The following CDH11 variants were observed in gnomAD, a reference collection of about 807,000 sequenced individuals.
CDH11 encodes the protein cadherin 11.
In CDH11, 11 loss-of-function variants were observed where a neutral mutation model predicts 67.8. The ratio of observed to expected loss-of-function variants is 0.16; its 90% CI spans 0.10 to 0.27. The LOEUF is 0.27. Among genes scored for constraint, CDH11 ranks in the 10% least tolerant of loss-of-function variants. The pLI, the probability that CDH11 is intolerant of heterozygous loss-of-function variation, is 1.00. For missense variants in CDH11, 847 were observed against 1,031.2 expected (o/e 0.82, Z 2.45); for synonymous variants, 419 against 400.0 (o/e 1.05, Z -0.57).
intron 11 of CDH11, among the ~76,000 whole-genome samples, chr16:64,958,656 G>A (rs2071587063): frequency 6.6e-6 from 1 of 152,090 alleles, no homozygotes; most frequent in South Asian, 2.1e-4. Flanking sequence ...AATTTTATAA[G>A]CACATAACTG....
intron 2 of CDH11, among the ~76,000 whole-genome samples, chr16:65,015,215 G>C (rs76032247): frequency 0.012 from 1,892 of 151,728 alleles, 18 homozygotes; most frequent in Non-Finnish European, 0.017. Flanking sequence ...GATGTACAGG[G>C]GAAAAGTTCA....
At chr16:65,081,294 C>T (rs970362734) in intron 1 of CDH11, among the ~76,000 whole-genome samples, 2 of 152,138 alleles carry the variant, frequency 1.3e-5, no homozygotes, top group Non-Finnish European at 2.9e-5. Context: ...CAGGGCTGGG[C>T]GCTGGGGCTC....
At chr16:64,977,505 G>A (rs1244491216) in intron 8 of CDH11, among the ~76,000 whole-genome samples, 2 of 152,210 alleles carry the variant, frequency 1.3e-5, no homozygotes, top group African/African-American at 4.8e-5. Context: ...TTCTAGGCCA[G>A]AGATAACTCA....
chr16:65,011,691 A>G (rs1164792326), intron 2 of CDH11, among the ~76,000 whole-genome samples: 1 of 152,226 alleles, frequency 6.6e-6, no homozygotes, highest in East Asian at 1.9e-4. Context: ...GATGAATAAC[A>G]TATATCAACA....
intron 2 of CDH11, among the ~76,000 whole-genome samples, chr16:65,021,589 T>C (rs1432795785): frequency 6.9e-6 from 1 of 145,736 alleles, no homozygotes; most frequent in Non-Finnish European, 1.5e-5. Context: ...TATATATATA[T>C]TAGTTATCCA....
intron 2 of CDH11, among the ~76,000 whole-genome samples, chr16:65,047,477 G>A (rs761734814): frequency 4.0e-5 from 6 of 151,594 alleles, no homozygotes; most frequent in East Asian, 2.0e-4. Flanking sequence ...TCAGCCTCCC[G>A]AGCAGCTGGG....
rs551470869 is a variant in CDH11, at chr16:65,113,378, A to G, written c.-298+8502T>C. Among the ~76,000 whole-genome samples the G allele has an allele frequency of 2.0e-5, 3 of 152,226 alleles. No homozygotes were observed. The South Asian group carries it at 6.2e-4, about 32-fold the overall frequency. On this transcript the variant is annotated intron_variant, in intron 1 of 12. Transcript: ENST00000268603. The stretch of plus-strand genomic sequence containing the variant: ...CACAGTTCTGTTCCATTAAACCCTA[A>G]ATTACCGTGGGATCTTGGGCAAGTC...
intron 1 of CDH11, among the ~76,000 whole-genome samples, chr16:65,096,695 T>C (rs1365087028): frequency 6.7e-6 from 1 of 148,504 alleles, no homozygotes; most frequent in Non-Finnish European, 1.5e-5. Flanking sequence ...CAAATATATA[T>C]GTATATATTT....
chr16:65,079,161 C>T (rs1255982474), intron 1 of CDH11, among the ~76,000 whole-genome samples: 2 of 152,092 alleles, frequency 1.3e-5, no homozygotes, highest in Non-Finnish European at 2.9e-5. Context: ...CAACAGAGCT[C>T]CTCTCTGCAC....
chr16:65,004,684 C>T lies in CDH11; in HGVS notation c.186G>A (p.Val62=), dbSNP rs758373701. 57 of 1,613,696 alleles carry T rather than the reference C, an allele frequency of 3.5e-5. No homozygotes were observed. The highest frequency in any genetic ancestry group is 5.5e-5 in the South Asian group (5 of 91,070). The change falls in exon 3 of 13, where the codon GTG becomes GTA. Residue 62 remains valine, a synonymous_variant. Coordinates refer to ENST00000268603, the MANE Select transcript of CDH11 (RefSeq NM_001797.4). ...KRGWVWNQFF[V]IEEYTGPDPV... is the part of the protein sequence containing the mutation. ...GGTCAGGCCCGGTGTACTCCTCTATCACGAAGAACTGGTTCCAGACCCAGC... is the reference window on the plus strand; with the variant it reads ...GGTCAGGCCCGGTGTACTCCTCTATTACGAAGAACTGGTTCCAGACCCAGC...
rs908936880 is a variant in CDH11 at position 64,945,867 on chromosome 16, T to G, written c.*1736A>C. On this transcript the variant is annotated 3_prime_UTR_variant, in exon 13 of 13. Coordinates refer to ENST00000268603, the MANE Select transcript of CDH11 (RefSeq NM_001797.4). ...TCAGAAAAAAACTGTAAAAATTGTCTGCAATCCAAGAAAAAGCACGTGCCC... is the reference window on the plus strand; with the variant it reads ...TCAGAAAAAAACTGTAAAAATTGTCGGCAATCCAAGAAAAAGCACGTGCCC... 97 of 1,055,838 alleles carry G rather than the reference T, an allele frequency of 9.2e-5. No individual in the cohort carries two copies. The highest frequency in any genetic ancestry group is 4.2e-4 in the Middle Eastern group (1 of 2,354). The allele number at this position is 1,055,838 out of a possible 1,614,324, so 65.4% of individuals were successfully genotyped here. A position where few individuals can be genotyped will look rare whatever the true frequency, so the allele number is the denominator to read the frequency against.
intron 2 of CDH11, among the ~76,000 whole-genome samples, chr16:65,025,218 G>C (rs2073507827): frequency 6.6e-6 from 1 of 152,178 alleles, no homozygotes; most frequent in South Asian, 2.1e-4. Flanking sequence ...TTAATTTGAA[G>C]GTCGAATGAG....
At chr16:64,989,918 C>A (rs575353788) in intron 6 of CDH11, among the ~76,000 whole-genome samples, 2 of 152,234 alleles carry the variant, frequency 1.3e-5, no homozygotes, top group Non-Finnish European at 2.9e-5. Context: ...AATACTTTGT[C>A]TATATTTATC....
intron 7 of CDH11, chr16:64,985,482 C>T (rs1390489046): frequency 1.3e-5 from 2 of 151,644 alleles, no homozygotes; most frequent in African/African-American, 2.4e-5. Context: ...TGATACTAGC[C>T]CATCATGAGT....
At chr16:65,027,933 A>G (rs1322963037) in intron 2 of CDH11, among the ~76,000 whole-genome samples, 3 of 152,244 alleles carry the variant, frequency 2.0e-5, no homozygotes, top group African/African-American at 4.8e-5. Context: ...ATATACACAT[A>G]GAGAAAATAA....
intron 1 of CDH11, chr16:65,059,429 C>G (rs2142735183): frequency 6.6e-6 from 1 of 152,198 alleles, no homozygotes; most frequent in Middle Eastern, 3.4e-3. Context: ...TTTAGAGGCA[C>G]CTAATGCAAA....
intron 2 of CDH11, among the ~76,000 whole-genome samples, chr16:65,018,368 G>A (rs2073354027): frequency 6.6e-6 from 1 of 152,004 alleles, no homozygotes; most frequent in Non-Finnish European, 1.5e-5. Context: ...TTTAGTCAAA[G>A]CCTTGGAAAA....
chr16:65,092,625 C>A (rs1320548366), intron 1 of CDH11, among the ~76,000 whole-genome samples: 2 of 152,124 alleles, frequency 1.3e-5, no homozygotes, highest in African/African-American at 4.8e-5. Flanking sequence ...AGTGGCCAAG[C>A]CCAGACCAAG....
chr16:65,118,109 G>A (rs1020087025), intron 1 of CDH11, among the ~76,000 whole-genome samples: 3 of 152,168 alleles, frequency 2.0e-5, no homozygotes, highest in Admixed American at 1.3e-4. Context: ...CGCTTTTCAT[G>A]ATGCCCTCAA....
Sources: gnomAD v4.1 joint callset for allele counts (sites outside exome capture counted in the v4.1 genomes callset) on GRCh38, gnomAD v4.1.1 for gene constraint, MANE v1.5 for transcripts, NCBI Gene and HGNC (gene_info 2026-07-23, HGNC 2026-07-21) for gene names.